CCSER1: variants seen among roughly 807,000 people sequenced by gnomAD.
The protein encoded by CCSER1 is serine-rich coiled-coil domain-containing protein 1.
CCSER1 carries 41 observed loss-of-function variants against 82.0 expected under a neutral mutation model. That is an observed-to-expected ratio of 0.50 (90% confidence interval 0.39 to 0.65). CCSER1 has a LOEUF of 0.65. Ranked by LOEUF, CCSER1 falls within the 30% of genes least tolerant of loss-of-function variation. CCSER1 has a pLI of 0.00. For missense variants in CCSER1, 1,119 were observed against 1,064.2 expected (o/e 1.05, Z -0.72); for synonymous variants, 414 against 383.9 (o/e 1.08, Z -0.92).
intron 10 of CCSER1, among the ~76,000 whole-genome samples, chr4:91,570,408 T>G (rs1763118105): frequency 6.6e-6 from 1 of 152,086 alleles, no homozygotes; most frequent in Non-Finnish European, 1.5e-5. Context: ...CTAGCAGAGG[T>G]TCTCCATGAA....
intron 3 of CCSER1, among the ~76,000 whole-genome samples, chr4:90,385,924 C>T (rs1430869301): frequency 1.3e-5 from 2 of 151,790 alleles, no homozygotes; most frequent in East Asian, 3.9e-4. Flanking sequence ...ATATTTTTCC[C>T]AGATACCTGA....
At chr4:91,067,318 T>G (rs1720930489) in intron 9 of CCSER1, among the ~76,000 whole-genome samples, 1 of 151,750 alleles carries the variant, frequency 6.6e-6, no homozygotes, top group South Asian at 2.1e-4. Context: ...ACTGGTACAA[T>G]AAGATGTTTG....
chr4:91,538,050 A>C (rs1443732974), intron 10 of CCSER1, among the ~76,000 whole-genome samples: 2 of 152,092 alleles, frequency 1.3e-5, no homozygotes, highest in East Asian at 1.9e-4. Flanking sequence ...AAGGGACTGA[A>C]CAAAATTTGC....
At chr4:91,036,922 A>G (rs1205840854) in intron 9 of CCSER1, among the ~76,000 whole-genome samples, 1 of 151,960 alleles carries the variant, frequency 6.6e-6, no homozygotes, top group Non-Finnish European at 1.5e-5. Context: ...TACTAAAAAT[A>G]CAAAAATTAG....
intron 10 of CCSER1, among the ~76,000 whole-genome samples, chr4:91,162,635 A>T (rs1339088924): frequency 1.3e-5 from 2 of 152,114 alleles, no homozygotes; most frequent in East Asian, 3.9e-4. Context: ...TCAGATATTC[A>T]ACTTCTTCCT....
chr4:91,306,983 G>A (rs773943239), intron 10 of CCSER1, among the ~76,000 whole-genome samples: 8 of 151,916 alleles, frequency 5.3e-5, no homozygotes, highest in Non-Finnish European at 1.0e-4. Flanking sequence ...ATAGTAATTA[G>A]AAGAGACTAC....
intron 10 of CCSER1, among the ~76,000 whole-genome samples, chr4:91,126,309 A>G (rs1727512146): frequency 6.6e-6 from 1 of 151,888 alleles, no homozygotes; most frequent in South Asian, 2.1e-4. Context: ...AAACACAACC[A>G]TAACCTCAAC....
chr4:90,750,648 T>A (rs1391469554), intron 7 of CCSER1, among the ~76,000 whole-genome samples: 1 of 152,172 alleles, frequency 6.6e-6, no homozygotes, highest in African/African-American at 2.4e-5. Flanking sequence ...GATATAGAGA[T>A]ATTTAGTATT....
chr4:90,213,905 A>G (rs1271992683), intron 1 of CCSER1, among the ~76,000 whole-genome samples: 1 of 152,176 alleles, frequency 6.6e-6, no homozygotes, highest in Non-Finnish European at 1.5e-5. Flanking sequence ...TAGAGACAGA[A>G]AGGATGAGAG....
At chr4:91,177,620 G>A (rs1286246538) in intron 10 of CCSER1, among the ~76,000 whole-genome samples, 1 of 152,134 alleles carries the variant, frequency 6.6e-6, no homozygotes, top group Non-Finnish European at 1.5e-5. Context: ...GGTGTTTCTA[G>A]TATTCTCTGA....
intron 9 of CCSER1, among the ~76,000 whole-genome samples, chr4:91,025,195 A>G (rs370799597): frequency 6.6e-6 from 1 of 152,072 alleles, no homozygotes; most frequent in African/African-American, 2.4e-5. Context: ...TGTAATTTCT[A>G]TTTTTTTATG....
At chr4:90,855,009 G>T (rs1367277507) in intron 8 of CCSER1, among the ~76,000 whole-genome samples, 2 of 151,948 alleles carry the variant, frequency 1.3e-5, no homozygotes, top group African/African-American at 4.8e-5. Flanking sequence ...GTGTGCGAGA[G>T]AGCAAAGGGG....
chr4:91,307,038 A>G (rs1317148962), intron 10 of CCSER1, among the ~76,000 whole-genome samples: 1 of 151,976 alleles, frequency 6.6e-6, no homozygotes, highest in Non-Finnish European at 1.5e-5. Flanking sequence ...ATTTTTCTTT[A>G]GGGTATGATG....
At chr4:91,217,789 T>C (rs904044723) in intron 10 of CCSER1, among the ~76,000 whole-genome samples, 2 of 152,208 alleles carry the variant, frequency 1.3e-5, no homozygotes, top group African/African-American at 2.4e-5. Context: ...AGAGTGTCCA[T>C]TGGTGCACTC....
intron 9 of CCSER1, among the ~76,000 whole-genome samples, chr4:91,013,924 T>TTTTTTG (rs1476813371): frequency 1.5e-5 from 2 of 132,144 alleles, no homozygotes; most frequent in South Asian, 2.4e-4. Context: ...CCGGGCACAC[T>TTTTTTG]TTTTTGTTTT....
rs1045685506 is a variant in CCSER1 at position 91,468,639 on chromosome 4, G to C, written c.2218-129933G>C. Among the ~76,000 whole-genome samples the C allele has an allele frequency of 2.0e-5, 3 of 151,740 alleles. No individual in the cohort carries two copies. The South Asian group carries it at 6.2e-4, about 31-fold the overall frequency. On this transcript the variant is annotated intron_variant, in intron 10 of 10. Coordinates refer to ENST00000509176, the MANE Select transcript of CCSER1 (RefSeq NM_001145065.2). ...ATAAGGATGATTTTTTGCAAATTTT[G>C]GTTGTATATGTTTATGTTTTTATAT...
At chr4:90,593,967 C>T (rs1783007598) in intron 5 of CCSER1, among the ~76,000 whole-genome samples, 1 of 151,768 alleles carries the variant, frequency 6.6e-6, no homozygotes. Context: ...TATATAACTG[C>T]AGATGTACAG....
At chr4:90,276,225 T>TCCTTC (rs2003741814) in intron 1 of CCSER1, among the ~76,000 whole-genome samples, 2 of 101,812 alleles carry the variant, frequency 2.0e-5, no homozygotes, top group East Asian at 5.6e-4. Flanking sequence ...TTTCTTTCTT[T>TCCTTC]CTTTCTTTCT....
At chr4:90,599,589 G>A (rs1295187708) in intron 5 of CCSER1, among the ~76,000 whole-genome samples, 1 of 152,118 alleles carries the variant, frequency 6.6e-6, no homozygotes, top group African/African-American at 2.4e-5. Flanking sequence ...TTCTCTATCT[G>A]GAGAAGCCCC....
Sources: gnomAD v4.1 joint callset for allele counts (sites outside exome capture counted in the v4.1 genomes callset) on GRCh38, gnomAD v4.1.1 for gene constraint, MANE v1.5 for transcripts, NCBI Gene and HGNC (gene_info 2026-07-23, HGNC 2026-07-21) for gene names.